GRIA1: variants seen among roughly 807,000 people sequenced by gnomAD.
The protein encoded by GRIA1 is glutamate receptor 1.
GRIA1 carries 31 observed loss-of-function variants against 99.2 expected under a neutral mutation model. The ratio of observed to expected loss-of-function variants is 0.31; its 90% CI spans 0.23 to 0.42. The LOEUF is 0.42. GRIA1 is among the 10% of genes least tolerant of loss of function. The pLI, the probability that GRIA1 is intolerant of heterozygous loss-of-function variation, is 1.00. For missense variants in GRIA1, 782 were observed against 1,157.5 expected (o/e 0.68, Z 4.71); for synonymous variants, 438 against 432.4 (o/e 1.01, Z -0.16).
intron 2 of GRIA1, among the ~76,000 whole-genome samples, chr5:153,604,548 G>A (rs1160539779): frequency 6.6e-6 from 1 of 152,126 alleles, no homozygotes; most frequent in Non-Finnish European, 1.5e-5. Flanking sequence ...AAGAATTGTA[G>A]CGTTGTCAGC....
At chr5:153,671,407 C>A (rs1378514501) in intron 5 of GRIA1, among the ~76,000 whole-genome samples, 2 of 152,162 alleles carry the variant, frequency 1.3e-5, no homozygotes, top group Non-Finnish European at 2.9e-5. Context: ...AGAAATCTTT[C>A]AACTGTGCTC....
intron 11 of GRIA1, among the ~76,000 whole-genome samples, chr5:153,723,495 A>G (rs1010999941): frequency 6.6e-6 from 1 of 152,194 alleles, no homozygotes; most frequent in Non-Finnish European, 1.5e-5. Context: ...CTAGTCAAAG[A>G]AAGGGGTGAC....
At chr5:153,668,236 C>A (rs1485605090) in intron 5 of GRIA1, among the ~76,000 whole-genome samples, 1 of 152,190 alleles carries the variant, frequency 6.6e-6, no homozygotes, top group African/African-American at 2.4e-5. Context: ...CTATTCCCAT[C>A]TCTGGGCCTC....
chr5:153,493,904 A>ATGTTGCATT lies in GRIA1; in HGVS notation c.83-22_83-14dup, dbSNP rs770061769. The ATGTTGCATT allele has an allele frequency of 5.1e-5, 83 of 1,613,270 alleles. 1 individual carries two copies. In the South Asian group the frequency reaches 9.0e-4, roughly 18 times the overall value. ...AAAACCTGTCTCTAGCCCATATACCATGTTGCATTTTCTTTTCTCATAGGG... is the reference window on the plus strand; with the variant it reads ...AAAACCTGTCTCTAGCCCATATACCATGTTGCATTTGTTGCATTTTCTTTTCTCATAGGG... On this transcript the variant is annotated intron_variant, in intron 1 of 15. Transcript: ENST00000285900.
chr5:153,811,025 G>A lies in GRIA1; in HGVS notation c.2521G>A (p.Gly841Ser). Residue 841 changes from glycine to serine, a missense_variant and splice_region_variant, in exon 16 of 16, where the codon GGT (glycine) becomes AGT (serine). Physicochemically the swap from Gly to Ser is moderately conservative, Grantham distance 56 (BLOSUM62 0). Coordinates refer to ENST00000285900, the MANE Select transcript of GRIA1 (RefSeq NM_000827.4). ...KSRSESKRMKGFCLIPQQSIN... is the reference protein window; with the variant it reads ...KSRSESKRMKSFCLIPQQSIN... ...AAGAACCCCCGGTCCTCCTGAAAAG[G>A]GTTTTTGTTTGATCCCACAGCAATC... is the stretch of plus-strand genomic sequence containing the variant. 1 of 1,613,560 alleles carries A rather than the reference G, an allele frequency of 6.2e-7. No homozygotes were observed. Among genetic ancestry groups the A allele is most frequent in the Non-Finnish European group, 8.5e-7 (1 of 1,179,516 alleles).
intron 5 of GRIA1, among the ~76,000 whole-genome samples, chr5:153,666,273 C>T (rs184270603): frequency 2.6e-5 from 4 of 152,292 alleles, no homozygotes; most frequent in East Asian, 1.9e-4. Flanking sequence ...TGGGGGCCAA[C>T]GTCCCTGCCC....
chr5:153,490,117 G>C (rs1470864059), upstream of GRIA1, among the ~76,000 whole-genome samples: 2 of 151,150 alleles, frequency 1.3e-5, no homozygotes, highest in Non-Finnish European at 2.9e-5. Flanking sequence ...GGGATTTCTA[G>C]GGTCTTTCCC....
At chr5:153,538,923 A>G (rs893887365) in intron 2 of GRIA1, among the ~76,000 whole-genome samples, 10 of 152,212 alleles carry the variant, frequency 6.6e-5, no homozygotes, top group African/African-American at 9.7e-5. Flanking sequence ...TAGCATGTGT[A>G]ATTCCAATGA....
At chr5:153,758,982 C>T (rs1452569723) in intron 11 of GRIA1, among the ~76,000 whole-genome samples, 1 of 151,786 alleles carries the variant, frequency 6.6e-6, no homozygotes, top group East Asian at 1.9e-4. Flanking sequence ...ACAACATTCT[C>T]CTGAACAACC....
intron 2 of GRIA1, among the ~76,000 whole-genome samples, chr5:153,580,932 C>A (rs765495692): frequency 2.0e-5 from 3 of 152,104 alleles, no homozygotes; most frequent in Admixed American, 6.5e-5. Flanking sequence ...GGGCAGCAGC[C>A]GAGATGGGGT....
chr5:153,690,159 C>G (rs1757642752), intron 8 of GRIA1, among the ~76,000 whole-genome samples: 1 of 152,098 alleles, frequency 6.6e-6, no homozygotes, highest in Non-Finnish European at 1.5e-5. Flanking sequence ...CTTGAATCCT[C>G]CTCTCCAACC....
intron 2 of GRIA1, among the ~76,000 whole-genome samples, chr5:153,564,649 G>A (rs1223525061): frequency 6.6e-6 from 1 of 152,180 alleles, no homozygotes; most frequent in Non-Finnish European, 1.5e-5. Flanking sequence ...TCACAACATG[G>A]TGACTGGGTC....
At chr5:153,715,670 T>C (rs1374639604) in intron 11 of GRIA1, among the ~76,000 whole-genome samples, 1 of 152,182 alleles carries the variant, frequency 6.6e-6, no homozygotes, top group Non-Finnish European at 1.5e-5. Flanking sequence ...GTTGCCATTG[T>C]TGCTGTCACC....
chr5:153,613,257 C>T (rs1766163557), intron 2 of GRIA1, among the ~76,000 whole-genome samples: 1 of 152,170 alleles, frequency 6.6e-6, no homozygotes, highest in Admixed American at 6.5e-5. Context: ...TCCTCAACAC[C>T]AGCTTTCAGG....
intron 2 of GRIA1, among the ~76,000 whole-genome samples, chr5:153,496,074 G>C (rs1754390002): frequency 6.6e-6 from 1 of 152,218 alleles, no homozygotes; most frequent in African/African-American, 2.4e-5. Context: ...TCTCCTAGTA[G>C]TGTCAAGATG....
rs560558205 is a variant in GRIA1 at position 153,635,591 on chromosome 5, C to A, written c.221-11337C>A. ...CTTGGACTGTAGCCTTTACTGTGGCCCCTGAACCTAACCCAAGAATGAGAC... is the reference window on the plus strand; with the variant it reads ...CTTGGACTGTAGCCTTTACTGTGGCACCTGAACCTAACCCAAGAATGAGAC... On this transcript the variant is annotated intron_variant, in intron 2 of 15. Transcript: ENST00000285900. Among the ~76,000 whole-genome samples, 10 of 152,240 alleles carry A rather than the reference C, an allele frequency of 6.6e-5. No homozygotes were observed. In the South Asian group the frequency reaches 2.1e-3, roughly 32 times the overall value.
rs142548078 is a variant in GRIA1 at position 153,785,198 on chromosome 5, C to A, written c.2271-9423C>A. On this transcript the variant is annotated intron_variant, in intron 13 of 15. Transcript: ENST00000285900. ...ACTGTGCACCCCTGAACCCTCAAGCCCCATGGAAGGAAGAGTTAGAAGGAC... is the reference window on the plus strand; with the variant it reads ...ACTGTGCACCCCTGAACCCTCAAGCACCATGGAAGGAAGAGTTAGAAGGAC... Among the ~76,000 whole-genome samples, 901 of 152,174 alleles carry A rather than the reference C, an allele frequency of 5.9e-3. 10 individuals carry two copies. The highest frequency in any genetic ancestry group is 0.021 in the African/African-American group (860 of 41,532).
chr5:153,545,340 G>C (rs918584873), intron 2 of GRIA1, among the ~76,000 whole-genome samples: 3 of 152,004 alleles, frequency 2.0e-5, no homozygotes, highest in Non-Finnish European at 4.4e-5. Flanking sequence ...ATGGTTGAGG[G>C]GTATGTACAA....
chr5:153,588,054 A>G (rs1309184466), intron 2 of GRIA1, among the ~76,000 whole-genome samples: 1 of 152,218 alleles, frequency 6.6e-6, no homozygotes, highest in Non-Finnish European at 1.5e-5. Context: ...ATTCCTGCCA[A>G]TTGAAAAGAC....
Sources: gnomAD v4.1 joint callset for allele counts (sites outside exome capture counted in the v4.1 genomes callset) on GRCh38, gnomAD v4.1.1 for gene constraint, MANE v1.5 for transcripts, NCBI Gene and HGNC (gene_info 2026-07-23, HGNC 2026-07-21) for gene names.